The following DIS3 variants were observed in gnomAD, a reference collection of about 807,000 sequenced individuals.
DIS3 encodes DIS3 exosome endoribonuclease and 3'-5' exoribonuclease.
Under a neutral mutation model 113.0 loss-of-function variants are expected in DIS3, and 103 were observed. The observed-to-expected ratio is 0.91, with a 90% CI of 0.78 to 1.07. DIS3 has a LOEUF of 1.07. Among genes scored for constraint, DIS3 ranks in the 50% least tolerant of loss-of-function variants. DIS3 has a pLI of 0.00. For synonymous variants in DIS3, 402 were observed against 394.3 expected, an observed-to-expected ratio of 1.02 and a Z score of -0.23; for missense variants, 1,121 against 1,167.1, an observed-to-expected ratio of 0.96 and a Z score of 0.58.
chr13:72,767,973 C>T (rs937478489), intron 14 of DIS3, among the ~76,000 whole-genome samples: 4 of 152,122 alleles, frequency 2.6e-5, no homozygotes, highest in Non-Finnish European at 5.9e-5. Flanking sequence ...ATACTCTATA[C>T]CTTACGCCTT....
chr13:72,768,514 G>A (rs559116433), intron 14 of DIS3, among the ~76,000 whole-genome samples: 11 of 152,302 alleles, frequency 7.2e-5, no homozygotes, highest in African/African-American at 2.6e-4. Flanking sequence ...GCTGGGCGTG[G>A]TGGTGGGCAC....
rs967558770 is a variant in DIS3, at chr13:72,768,982, A to T, written c.1756-70T>A. ...AAAATGGTTTTCAATATGTCCTCCT[A>T]CTTTCACTACATAAAATCCATGATT... On this transcript the variant is annotated intron_variant, in intron 13 of 20. Transcript: ENST00000377767. 7 of 963,164 alleles carry T rather than the reference A, an allele frequency of 7.3e-6. No homozygotes were observed. The South Asian group carries it at 1.2e-4, about 17-fold the overall frequency. 59.7% of individuals were successfully genotyped at this position (963,164 alleles called of 1,614,324 possible).
In DIS3 at chr13:72,758,916, G is replaced by C. The variant is rs899932502; in HGVS notation, c.*879C>G. 5.5e-6 allele frequency: 1 copy of C among 181,220 alleles called. No individual in the cohort carries two copies. Among genetic ancestry groups the C allele is most frequent in the African/African-American group, 2.4e-5 (1 of 42,412 alleles). 11.2% of individuals were successfully genotyped at this position (181,220 alleles called of 1,614,324 possible). ...ATTAATTTAATCATTACTAATCTCTGTGATTAGCAAGGGAAGTAGTCAGTC... is the reference window on the plus strand; with the variant it reads ...ATTAATTTAATCATTACTAATCTCTCTGATTAGCAAGGGAAGTAGTCAGTC... On this transcript the variant is annotated 3_prime_UTR_variant, in exon 21 of 21. Coordinates refer to ENST00000377767, the MANE Select transcript of DIS3 (RefSeq NM_014953.5).
chr13:72,773,299 A>G (rs1417324537), intron 8 of DIS3, among the ~76,000 whole-genome samples: 1 of 152,072 alleles, frequency 6.6e-6, no homozygotes, highest in Non-Finnish European at 1.5e-5. Context: ...GCGAAACCCT[A>G]TGTCTACTAA....
At position 72,756,189 on chromosome 13, in the gene DIS3, G is replaced by A; in HGVS notation, c.*3606C>T. 1 of 41,274 alleles carries A rather than the reference G, an allele frequency of 2.4e-5. No homozygotes were observed. The highest frequency in any genetic ancestry group is 2.7e-4 in the African/African-American group (1 of 3,670). The allele number at this position is 41,274 out of a possible 1,614,324, so 2.6% of individuals were successfully genotyped here. A position where few individuals can be genotyped will look rare whatever the true frequency, so the allele number is the denominator to read the frequency against. ...CATTCAAAAGGGAATAAAGACCTGT[G>A]TTATCAATGTGTCATTTTCTTCTTT... is the stretch of plus-strand genomic sequence containing the variant. On this transcript the variant is annotated 3_prime_UTR_variant, in exon 21 of 21. Transcript: ENST00000377767.
intron 15 of DIS3, among the ~76,000 whole-genome samples, chr13:72,764,319 T>C (rs2033698998): frequency 6.6e-6 from 1 of 152,184 alleles, no homozygotes; most frequent in African/African-American, 2.4e-5. Context: ...ATCATACAAA[T>C]TTTGGCTTAA....
At chr13:72,770,833 AATTT>A in intron 13 of DIS3, 67 bp downstream of exon 13, 2 of 1,098,744 alleles carry the variant, frequency 1.8e-6, no homozygotes, top group Non-Finnish European at 2.5e-6. Flanking sequence ...ATCTTTAAAA[AATTT>A]ATTTAGCTTT....
chr13:72,763,302 C>CA (rs879234868), intron 16 of DIS3, 149 bp downstream of exon 16: 29,693 of 839,778 alleles, frequency 0.035, 1 homozygote, highest in South Asian at 0.051. Flanking sequence ...GACCCTGTCT[C>CA]AAAAAAAAAA....
Position 72,754,870 on chromosome 13 carries a change from C to G in DIS3, c.*4925G>C. ...AGCTAGGGCTACAGGCATGTGCCAC[C>G]ACACCCAGCTTTTTAAAATTTTTGG... On this transcript the variant is annotated 3_prime_UTR_variant, in exon 21 of 21. Transcript: ENST00000377767. The G allele has an allele frequency of 3.2e-6, 1 of 314,104 alleles. No individual in the cohort carries two copies. The highest frequency in any genetic ancestry group is 6.0e-6 in the Non-Finnish European group (1 of 167,418). The allele number at this position is 314,104 out of a possible 1,614,324, so 19.5% of individuals were successfully genotyped here.
chr13:72,766,258 T>A (rs1593840050), intron 14 of DIS3, among the ~76,000 whole-genome samples, 200 bp from the exon 15 acceptor site: 2 of 152,182 alleles, frequency 1.3e-5, no homozygotes, highest in East Asian at 3.9e-4. Context: ...CTCAGTAGAT[T>A]TAAAATGCAT....
Position 72,759,888 on chromosome 13 carries a change from T to G in DIS3, c.2794-10A>C. Reference sequence around the variant, plus strand: ...TGCTTATTCCTGGTATCTAAAGTAATGCAAATGGGGGGAAATAAGGTGATT... The same window carrying G: ...TGCTTATTCCTGGTATCTAAAGTAAGGCAAATGGGGGGAAATAAGGTGATT... On this transcript the variant is annotated splice_polypyrimidine_tract_variant and intron_variant, in intron 20 of 20. Transcript: ENST00000377767. 6.2e-7 allele frequency: 1 copy of G among 1,602,410 alleles called. No homozygotes were observed. Among genetic ancestry groups the G allele is most frequent in the Middle Eastern group, 1.7e-4 (1 of 6,038 alleles).
At position 72,754,844 on chromosome 13, in the gene DIS3, TAGCTAGGGCTACAGGCATGTGCC is replaced by T. The variant is rs2033402831; in HGVS notation, c.*4928_*4950del. On this transcript the variant is annotated 3_prime_UTR_variant, in exon 21 of 21. Coordinates refer to ENST00000377767, the MANE Select transcript of DIS3 (RefSeq NM_014953.5). ...AGTCTTACCACCTCAGCCTCCTGAG[TAGCTAGGGCTACAGGCATGTGCC>T]ACCACACCCAGCTTTTTAAAATTTT... is the stretch of plus-strand genomic sequence containing the variant. 5 of 240,192 alleles carry T rather than the reference TAGCTAGGGCTACAGGCATGTGCC, an allele frequency of 2.1e-5. No individual in the cohort carries two copies. The highest frequency in any genetic ancestry group is 4.0e-5 in the Non-Finnish European group (5 of 123,632). 14.9% of individuals were successfully genotyped at this position (240,192 alleles called of 1,614,324 possible).
rs536868820 is a variant in DIS3, at chr13:72,757,052, G to C, written c.*2743C>G. 2 of 152,112 alleles carry C rather than the reference G, an allele frequency of 1.3e-5. No individual in the cohort carries two copies. Among genetic ancestry groups the C allele is most frequent in the African/African-American group, 2.4e-5 (1 of 41,412 alleles). 9.4% of individuals were successfully genotyped at this position (152,112 alleles called of 1,614,324 possible). A position where few individuals can be genotyped will look rare whatever the true frequency, so the allele number is the denominator to read the frequency against. On this transcript the variant is annotated 3_prime_UTR_variant, in exon 21 of 21. Coordinates refer to ENST00000377767, the MANE Select transcript of DIS3 (RefSeq NM_014953.5). ...TAGAAACAGAACATTTTAGATTATG[G>C]AATAGAACTTAGGGGAAAATAGCAA...
At position 72,754,967 on chromosome 13, in the gene DIS3, G is replaced by A. The variant is rs1174136268; in HGVS notation, c.*4828C>T. ...GGGCTCGTGCGATCCTCCCACCTTG[G>A]CCTCTCAAAGTGTTGGGATGCTTTT... On this transcript the variant is annotated 3_prime_UTR_variant, in exon 21 of 21. Transcript: ENST00000377767. The A allele has an allele frequency of 1.9e-6, 1 of 536,280 alleles. No homozygotes were observed. Among genetic ancestry groups the A allele is most frequent in the Non-Finnish European group, 3.3e-6 (1 of 302,406 alleles). The allele number at this position is 536,280 out of a possible 1,614,324, so 33.2% of individuals were successfully genotyped here.
intron 9 of DIS3, 70 bp downstream of exon 9, chr13:72,772,623 T>C (rs762710848): frequency 1.9e-5 from 29 of 1,493,748 alleles, no homozygotes; most frequent in Admixed American, 7.0e-5. Context: ...TAAAAACACA[T>C]ATAGAAATTA....
At chr13:72,764,556 G>A in intron 15 of DIS3, among the ~76,000 whole-genome samples, 1 of 152,192 alleles carries the variant, frequency 6.6e-6, no homozygotes, top group East Asian at 1.9e-4. Context: ...CACACAATCT[G>A]ACTTCAAAAC....
intron 7 of DIS3, 62 bp downstream of exon 7, chr13:72,773,884 G>C: frequency 6.3e-7 from 1 of 1,590,358 alleles, no homozygotes; most frequent in Non-Finnish European, 8.5e-7. Context: ...GCAAAAGAAA[G>C]GCTATAAGTT....
rs1395653455 is a variant in DIS3 at position 72,781,798 on chromosome 13, C to A, written c.35G>T (p.Arg12Leu). The change falls in exon 1 of 21, where the codon CGG becomes CTG. Residue 12 changes from arginine to leucine, a missense_variant. Coordinates refer to ENST00000377767, the MANE Select transcript of DIS3 (RefSeq NM_014953.5). ...LKSKTFLKKT[R>L]AGGVMKIVRE... The stretch of plus-strand genomic sequence containing the variant: ...CACGATCTTCATCACGCCGCCCGCC[C>A]GGGTCTTTTTTAAGAACGTCTTGGA... 2 of 1,604,236 alleles carry A rather than the reference C, an allele frequency of 1.2e-6. No homozygotes were observed. Among genetic ancestry groups the A allele is most frequent in the Non-Finnish European group, 8.5e-7 (1 of 1,175,140 alleles).
intron 4 of DIS3, 127 bp downstream of exon 4, chr13:72,777,293 A>G (rs2034038681): frequency 1.2e-6 from 1 of 852,440 alleles, no homozygotes; most frequent in Non-Finnish European, 1.8e-6. Flanking sequence ...TCCTGTTTAT[A>G]ACACAACTAT....
Sources: allele counts gnomAD v4.1 joint callset (sites outside exome capture counted in the v4.1 genomes callset), GRCh38; gene constraint gnomAD v4.1.1; transcripts MANE v1.5; gene names NCBI Gene and HGNC (gene_info 2026-07-23, HGNC 2026-07-21).